Variants in NAALADL2 observed in about 807,000 individuals in gnomAD.
NAALADL2 encodes inactive N-acetylated-alpha-linked acidic dipeptidase-like protein 2.
A neutral mutation model predicts 87.2 loss-of-function variants in NAALADL2; 76 were observed. The observed-to-expected ratio is 0.87, with a 90% CI of 0.72 to 1.05. The LOEUF is 1.05. Among genes scored for constraint, NAALADL2 ranks in the 50% least tolerant of loss-of-function variants. The pLI is 0.00. For synonymous variants in NAALADL2, 354 were observed against 331.0 expected, an observed-to-expected ratio of 1.07 and a Z score of -0.75; for missense variants, 1,089 against 945.8, an observed-to-expected ratio of 1.15 and a Z score of -1.99.
chr3:175,261,054 G>A (rs75987423), intron 4 of NAALADL2, among the ~76,000 whole-genome samples: 2,020 of 152,172 alleles, frequency 0.013, 63 homozygotes, highest in Admixed American at 0.081. Context: ...AGTTATAGTT[G>A]TGCTAGTTTC....
intron 11 of NAALADL2, among the ~76,000 whole-genome samples, chr3:175,717,954 C>T (rs983857157): frequency 6.6e-5 from 10 of 151,232 alleles, no homozygotes; most frequent in African/African-American, 2.2e-4. Context: ...GGATTACAGG[C>T]GCCCATCACC....
chr3:174,459,811 A>T (rs1440645449), intron 1 of NAALADL2: 1 of 152,112 alleles, frequency 6.6e-6, no homozygotes, highest in East Asian at 1.9e-4. Flanking sequence ...AACTACCTGG[A>T]TGTTATATTG....
intron 10 of NAALADL2, among the ~76,000 whole-genome samples, chr3:175,623,812 G>A (rs551122933): frequency 1.3e-5 from 2 of 152,108 alleles, no homozygotes; most frequent in East Asian, 3.9e-4. Flanking sequence ...AAATGCTCCT[G>A]AGTTCTCAAA....
At chr3:175,105,056 G>T (rs906312357) in intron 2 of NAALADL2, among the ~76,000 whole-genome samples, 1 of 152,032 alleles carries the variant, frequency 6.6e-6, no homozygotes, top group East Asian at 1.9e-4. Context: ...GTTGACAGTG[G>T]GGCCTTTGAC....
chr3:174,536,143 G>A (rs1721702522), intron 1 of NAALADL2, among the ~76,000 whole-genome samples: 1 of 152,028 alleles, frequency 6.6e-6, no homozygotes, highest in South Asian at 2.1e-4. Context: ...TATGTCTTGA[G>A]TTGTTCTGAC....
chr3:175,448,611 T>A (rs1200897226), intron 6 of NAALADL2, among the ~76,000 whole-genome samples: 1 of 152,184 alleles, frequency 6.6e-6, no homozygotes, highest in Non-Finnish European at 1.5e-5. Context: ...TGTCTGCAGC[T>A]ACAAAAAATA....
intron 1 of NAALADL2, among the ~76,000 whole-genome samples, chr3:174,904,001 ATATC>A (rs1217129488): frequency 1.3e-5 from 2 of 151,562 alleles, no homozygotes; most frequent in Admixed American, 1.3e-4. Context: ...ATCTATATCT[ATATC>A]TATATCTGTA....
Position 175,476,445 on chromosome 3 carries a change from G to T in NAALADL2, c.1653+4687G>T, listed in dbSNP as rs1298943158. Among the ~76,000 whole-genome samples, 3 of 152,028 alleles carry T rather than the reference G, an allele frequency of 2.0e-5. No homozygotes were observed. In the East Asian group the frequency reaches 5.8e-4, roughly 29 times the overall value. On this transcript the variant is annotated intron_variant, in intron 9 of 13. Transcript: ENST00000454872. ...TGCTATCCTAGAATTCACAGGAAAG[G>T]GAAAATATGATTGGTTTAATTTGGA...
chr3:174,612,347 T>G (rs1719999219), intron 2 of NAALADL2, among the ~76,000 whole-genome samples: 1 of 152,184 alleles, frequency 6.6e-6, no homozygotes, highest in Non-Finnish European at 1.5e-5. Flanking sequence ...TTTGGGAAAT[T>G]ATCTGTTATT....
chr3:175,321,378 T>A (rs1271188908), intron 4 of NAALADL2, among the ~76,000 whole-genome samples: 1 of 104,132 alleles, frequency 9.6e-6, no homozygotes, highest in Non-Finnish European at 1.8e-5. Context: ...ACAGCCAATA[T>A]CATACTGAAT....
chr3:175,208,240 A>C (rs1051660157), intron 2 of NAALADL2, among the ~76,000 whole-genome samples: 32 of 152,118 alleles, frequency 2.1e-4, no homozygotes, highest in African/African-American at 7.5e-4. Flanking sequence ...ACCTGTTGGC[A>C]TTTTCACAAC....
At position 175,281,059 on chromosome 3, in the gene NAALADL2, A is replaced by G. The variant is rs573176763; in HGVS notation, c.939+24529A>G. On this transcript the variant is annotated intron_variant, in intron 4 of 13. Coordinates refer to ENST00000454872, the MANE Select transcript of NAALADL2 (RefSeq NM_207015.3). ...TACATTAACATTTGAGGTGCAGTGA[A>G]TCTCAGTTTTGTTTTTCTTTTGAAT... Among the ~76,000 whole-genome samples the G allele has an allele frequency of 7.3e-5, 11 of 151,590 alleles. No individual in the cohort carries two copies. The South Asian group carries it at 2.1e-3, about 29-fold the overall frequency.
intron 2 of NAALADL2, among the ~76,000 whole-genome samples, chr3:175,188,131 T>A (rs765123330): frequency 6.6e-6 from 1 of 152,202 alleles, no homozygotes; most frequent in Non-Finnish European, 1.5e-5. Context: ...TATTAACTCT[T>A]TTTCTATCAT....
At chr3:174,816,211 C>CT (rs1408623006) in intron 3 of NAALADL2, among the ~76,000 whole-genome samples, 1 of 151,578 alleles carries the variant, frequency 6.6e-6, no homozygotes, top group Non-Finnish European at 1.5e-5. Flanking sequence ...TCATCGTATC[C>CT]TTTTTCCCCC....
intron 1 of NAALADL2, among the ~76,000 whole-genome samples, chr3:175,029,109 A>G (rs1187469736): frequency 1.3e-5 from 2 of 151,456 alleles, no homozygotes; most frequent in African/African-American, 4.8e-5. Context: ...TCCCAAATTT[A>G]TGAAGCCAAC....
chr3:174,669,666 A>G (rs1255314241), intron 2 of NAALADL2, among the ~76,000 whole-genome samples: 2 of 152,090 alleles, frequency 1.3e-5, no homozygotes, highest in African/African-American at 2.4e-5. Flanking sequence ...TTTTGGAATT[A>G]GGAAGTGTGA....
At chr3:174,567,866 T>C (rs1714471245) in intron 2 of NAALADL2, among the ~76,000 whole-genome samples, 1 of 151,684 alleles carries the variant, frequency 6.6e-6, no homozygotes, top group African/African-American at 2.4e-5. Flanking sequence ...ACAGAGATAA[T>C]TGCAAGATTT....
At chr3:175,716,529 G>A (rs1238433817) in intron 11 of NAALADL2, among the ~76,000 whole-genome samples, 1 of 151,984 alleles carries the variant, frequency 6.6e-6, no homozygotes, top group Non-Finnish European at 1.5e-5. Flanking sequence ...AGGGTTAAAG[G>A]ATGAGAATGA....
intron 1 of NAALADL2, among the ~76,000 whole-genome samples, chr3:175,054,130 A>G (rs952875005): frequency 5.3e-5 from 8 of 152,242 alleles, no homozygotes; most frequent in African/African-American, 1.9e-4. Flanking sequence ...AGGCATATTA[A>G]AAGCAGCCAA....
Sources: gnomAD v4.1 joint callset for allele counts (sites outside exome capture counted in the v4.1 genomes callset) on GRCh38, gnomAD v4.1.1 for gene constraint, MANE v1.5 for transcripts, NCBI Gene and HGNC (gene_info 2026-07-23, HGNC 2026-07-21) for gene names.